Variants in CHFR observed in about 807,000 individuals in gnomAD.
CHFR encodes the protein checkpoint with forkhead and ring finger domains, also known as E3 ubiquitin-protein ligase CHFR.
A neutral mutation model predicts 87.6 loss-of-function variants in CHFR; 57 were observed. The observed-to-expected ratio is 0.65, with a 90% CI of 0.53 to 0.81. CHFR has a LOEUF of 0.81. Among genes scored for constraint, CHFR ranks in the 30% least tolerant of loss-of-function variants. The pLI is 0.00. For synonymous variants in CHFR, 381 were observed against 359.2 expected, an observed-to-expected ratio of 1.06 and a Z score of -0.69; for missense variants, 797 against 865.8, an observed-to-expected ratio of 0.92 and a Z score of 1.00.
Position 132,887,280 on chromosome 12 carries a change from C to G in CHFR, c.49G>C (p.Gly17Arg). The part of the protein sequence containing the change: ...GKQSPPPQPW[G>R]RLLRLGAEEG... ...TCCGCGCCCAGACGCAGGAGCCGTC[C>G]CCAGGGCTGCGGCGGCGGCGACTGC... Residue 17 changes from glycine to arginine, a missense_variant, in exon 2 of 18, where the codon GGA (glycine) becomes CGA (arginine). Around this residue, in one of 2 missense-constraint regions of CHFR, gnomAD observed 597 missense variants for 601.2 expected, o/e 0.99. Coordinates refer to ENST00000450056, the MANE Select transcript of CHFR (RefSeq NM_001161346.2). 1.3e-6 allele frequency: 2 copies of G among 1,492,006 alleles called. No individual in the cohort carries two copies. The highest frequency in any genetic ancestry group is 1.8e-6 in the Non-Finnish European group (2 of 1,128,160). The allele number at this position is 1,492,006 out of a possible 1,614,324, so 92.4% of individuals were successfully genotyped here.
intron 6 of CHFR, among the ~76,000 whole-genome samples, chr12:132,864,034 A>AATTACAGGTGTGAATAAGG (rs376838234): frequency 2.6e-5 from 4 of 152,168 alleles, no homozygotes; most frequent in South Asian, 2.1e-4. Context: ...CAAGTGCTGG[A>AATTACAGGTGTGAATAAGG]ATTACAGGTG....
chr12:132,857,160 T>C (rs1297896055), intron 9 of CHFR, among the ~76,000 whole-genome samples: 3 of 94,198 alleles, frequency 3.2e-5, no homozygotes, highest in African/African-American at 1.3e-4. Flanking sequence ...CGGGTGCTGC[T>C]GGGTGGATGC....
intron 15 of CHFR, among the ~76,000 whole-genome samples, chr12:132,844,817 G>C (rs1950783565): frequency 6.6e-6 from 1 of 151,306 alleles, no homozygotes; most frequent in Non-Finnish European, 1.5e-5. Flanking sequence ...TTTTTTAGTA[G>C]AGATGGGGTT....
In CHFR at chr12:132,851,733, G is replaced by A. The variant is rs146976267; in HGVS notation, c.1377C>T (p.Val459=). 1.6e-3 allele frequency: 2,594 copies of A among 1,611,824 alleles called. 22 individuals carry two copies. Among genetic ancestry groups the A allele is most frequent in the South Asian group, 0.013 (1,213 of 90,950 alleles). The part of the protein sequence containing the change: ...PSTSVSLTTA[V]QDYVCPLQGS... ...CTTGCAGAGGGCACACGTAATCCTG[G>A]ACTGCTGAAGCACACGCACATTCAG... The change falls in exon 12 of 18, where the codon GTC becomes GTT. Residue 459 remains valine (V), a synonymous_variant. Coordinates refer to ENST00000450056, the MANE Select transcript of CHFR (RefSeq NM_001161346.2).
chr12:132,848,414 T>A, intron 13 of CHFR: 1 of 729,838 alleles, frequency 1.4e-6, no homozygotes, highest in Non-Finnish European at 2.3e-6. Context: ...CTGCAAGGAT[T>A]CTGTCCTGGG....
intron 2 of CHFR, among the ~76,000 whole-genome samples, chr12:132,878,553 T>C (rs913065161): frequency 2.0e-5 from 3 of 151,042 alleles, no homozygotes; most frequent in African/African-American, 7.3e-5. Flanking sequence ...TTAAAAAAAC[T>C]CAGGGGGTTG....
At chr12:132,885,045 G>A (rs1027658763) in intron 2 of CHFR, among the ~76,000 whole-genome samples, 1 of 151,394 alleles carries the variant, frequency 6.6e-6, no homozygotes. Flanking sequence ...CCGAGATCAT[G>A]CCACTGCACT....
intron 3 of CHFR, among the ~76,000 whole-genome samples, chr12:132,875,706 G>A (rs1399986895): frequency 6.6e-6 from 1 of 152,202 alleles, no homozygotes; most frequent in African/African-American, 2.4e-5. Context: ...CAAGAAAACA[G>A]ACATGAAGGC....
chr12:132,856,558 G>A lies in CHFR; in HGVS notation c.1139C>T (p.Pro380Leu). 6.2e-7 allele frequency: 1 copy of A among 1,614,156 alleles called. No individual in the cohort carries two copies. Among genetic ancestry groups the A allele is most frequent in the African/African-American group, 1.3e-5 (1 of 75,050 alleles). Residue 380 changes from proline to leucine, a missense_variant, in exon 10 of 18, where the codon CCC (proline) becomes CTC (leucine). Pro to Leu is a moderately conservative substitution (Grantham distance 98). Around this residue, in one of 2 missense-constraint regions of CHFR, gnomAD observed 597 missense variants for 601.2 expected, o/e 0.99. Transcript: ENST00000450056. ...ATCAGAAAAAGACCGCCTGACTTTG[G>A]GCTGCAGCATGTCTTGAGTGATTTT... The part of the protein sequence containing the change: ...RNKITQDMLQ[P>L]KVRRSFSDEE...
intron 15 of CHFR, among the ~76,000 whole-genome samples, chr12:132,845,451 C>T (rs1417933534): frequency 1.3e-5 from 2 of 148,406 alleles, no homozygotes; most frequent in Non-Finnish European, 3.0e-5. Flanking sequence ...CAGCAAGATT[C>T]CATCTCAAAA....
At chr12:132,861,424 G>C in intron 7 of CHFR, 43 bp downstream of exon 7, 1 of 1,597,476 alleles carries the variant, frequency 6.3e-7, no homozygotes, top group East Asian at 2.2e-5. Flanking sequence ...CATGCCCCAG[G>C]AGCACACGAG....
intron 3 of CHFR, among the ~76,000 whole-genome samples, chr12:132,875,807 C>G (rs1951617999): frequency 6.6e-6 from 1 of 152,130 alleles, no homozygotes; most frequent in Non-Finnish European, 1.5e-5. Context: ...GACAAAGAAA[C>G]TATCCTAAGA....
In CHFR at chr12:132,861,469, C is replaced by T; in HGVS notation, c.749G>A (p.Gly250Glu). ...GACACACACAACCAGACACTAACCT[C>T]CTCTCATTTTCTTCTTCACGGGCTC... Reference protein sequence around the residue: ...DLEPVKKKMRGDGDLDLNGQL... With the variant: ...DLEPVKKKMREDGDLDLNGQL... Residue 250 changes from glycine (G) to glutamate (E), a missense_variant and splice_region_variant, in exon 7 of 18, where the codon GGA becomes GAA. Physicochemically the swap from Gly to Glu is moderately conservative, Grantham distance 98 (BLOSUM62 -2). Around this residue, in one of 2 missense-constraint regions of CHFR, gnomAD observed 597 missense variants for 601.2 expected, o/e 0.99. Transcript: ENST00000450056. 1 of 1,614,112 alleles carries T rather than the reference C, an allele frequency of 6.2e-7. No homozygotes were observed. The highest frequency in any genetic ancestry group is 1.6e-4 in the Middle Eastern group (1 of 6,062).
At position 132,847,725 on chromosome 12, in the gene CHFR, G is replaced by A. The variant is rs893094883; in HGVS notation, c.1647+360C>T. On this transcript the variant is annotated intron_variant, in intron 14 of 17. Transcript: ENST00000450056. ...CGTGGGAAGGCAAATGGCCAGAAGA[G>A]ACAGGGACCAGAGAAAAGGCCCTGG... 4.3e-6 allele frequency: 5 copies of A among 1,155,354 alleles called. No homozygotes were observed. The African/African-American group carries it at 8.0e-5, about 18-fold the overall frequency. The allele number at this position is 1,155,354 out of a possible 1,614,324, so 71.6% of individuals were successfully genotyped here.
At chr12:132,879,871 T>C (rs1007663306) in intron 2 of CHFR, among the ~76,000 whole-genome samples, 1 of 152,210 alleles carries the variant, frequency 6.6e-6, no homozygotes, top group Admixed American at 6.5e-5. Flanking sequence ...CATGCAAACA[T>C]ACTTTTCCTA....
rs1950653373 is a variant in CHFR at position 132,837,057 on chromosome 12, A to G, written c.*4497T>C. On this transcript the variant is annotated 3_prime_UTR_variant, in exon 18 of 18. Coordinates refer to ENST00000450056, the MANE Select transcript of CHFR (RefSeq NM_001161346.2). The stretch of plus-strand genomic sequence containing the variant: ...CTGAATGAGGAGAGGCTGCAGAGGG[A>G]GGGGCTGGTACCTGAGGGGCTGTTT... 6.0e-6 allele frequency: 2 copies of G among 334,326 alleles called. No individual in the cohort carries two copies. The highest frequency in any genetic ancestry group is 1.2e-5 in the Non-Finnish European group (2 of 170,952). The allele number at this position is 334,326 out of a possible 1,614,324, so 20.7% of individuals were successfully genotyped here. A position where few individuals can be genotyped will look rare whatever the true frequency, so the allele number is the denominator to read the frequency against.
intron 15 of CHFR, among the ~76,000 whole-genome samples, chr12:132,844,360 C>T (rs1228917030): frequency 6.6e-6 from 1 of 152,216 alleles, no homozygotes; most frequent in Non-Finnish European, 1.5e-5. Flanking sequence ...TCTCGGCTCA[C>T]TGCAAGCTCC....
Position 132,869,746 on chromosome 12 carries a change from C to A in CHFR, c.456G>T (p.Ser152=), listed in dbSNP as rs199790262. Residue 152 remains serine (S), a synonymous_variant, in exon 6 of 18, where the codon TCG becomes TCT. Coordinates refer to ENST00000450056, the MANE Select transcript of CHFR (RefSeq NM_001161346.2). ...CAAAGCACACCTGAGTGGCGGGCGA[C>A]GACGGAGGGACCCGGGGATCGGCCC... The part of the protein sequence containing the change: ...GRGADPRVPP[S]SPATQVCFEE... The A allele has an allele frequency of 5.0e-5, 78 of 1,551,320 alleles. No individual in the cohort carries two copies. Among genetic ancestry groups the A allele is most frequent in the Admixed American group, 1.4e-4 (7 of 50,960 alleles).
rs767082498 is a variant in CHFR at position 132,848,100 on chromosome 12, C to T, written c.1632G>A (p.Glu544=). ...LDGVLNNNSY[E]SDILKNYLAT... is the part of the protein sequence containing the mutation. ...GAGTCGGTACCTTCAGGATGTCTGACTCGTAGCTGTTGTTGTTCAGCACGC... is the reference window on the plus strand; with the variant it reads ...GAGTCGGTACCTTCAGGATGTCTGATTCGTAGCTGTTGTTGTTCAGCACGC... Residue 544 remains glutamate, a synonymous_variant, in exon 14 of 18, where the codon GAG becomes GAA. Transcript: ENST00000450056. The T allele has an allele frequency of 6.2e-7, 1 of 1,614,122 alleles. No homozygotes were observed. The highest frequency in any genetic ancestry group is 1.1e-5 in the South Asian group (1 of 91,074).
Sources: allele counts gnomAD v4.1 joint callset (sites outside exome capture counted in the v4.1 genomes callset), GRCh38; gene constraint gnomAD v4.1.1; regional missense constraint gnomAD v4.1.1; transcripts MANE v1.5; gene names NCBI Gene and HGNC (gene_info 2026-07-23, HGNC 2026-07-21).